Variants in ZFAND2A observed in about 807,000 individuals in gnomAD.
ZFAND2A encodes the protein AN1-type zinc finger protein 2A.
Under a neutral mutation model 11.6 loss-of-function variants are expected in ZFAND2A, and 20 were observed. The observed-to-expected ratio is 1.72, with a 90% confidence interval of 1.21 to 2.50. ZFAND2A has a LOEUF of 2.50. Ranked by LOEUF, ZFAND2A falls within the 30% of genes most tolerant of loss-of-function variation. ZFAND2A has a pLI of 0.00. For missense variants in ZFAND2A, 234 were observed against 182.9 expected (o/e 1.28, Z -1.61); for synonymous variants, 93 against 60.6 (o/e 1.54, Z -2.48).
In ZFAND2A at chr7:1,152,973, G is replaced by T; in HGVS notation, c.*96C>A. On this transcript the variant is annotated 3_prime_UTR_variant, in exon 5 of 5. Coordinates refer to ENST00000316495, the MANE Select transcript of ZFAND2A (RefSeq NM_182491.4). ...AACAAACAAGATCAGCAGCCAGTGT[G>T]GGATGGTGCTCAATGGGGCTCCACT... The T allele has an allele frequency of 6.7e-7, 1 of 1,493,400 alleles. No individual in the cohort carries two copies. Among genetic ancestry groups the T allele is most frequent in the Non-Finnish European group, 9.2e-7 (1 of 1,084,838 alleles). 92.5% of individuals were successfully genotyped at this position (1,493,400 alleles called of 1,614,324 possible).
intron 1 of ZFAND2A, among the ~76,000 whole-genome samples, chr7:1,158,497 T>C (rs541737080): frequency 3.3e-5 from 5 of 152,340 alleles, no homozygotes; most frequent in South Asian, 2.1e-4. Flanking sequence ...GGGTTTCTAT[T>C]TAAACTCACA....
intron 3 of ZFAND2A, among the ~76,000 whole-genome samples, chr7:1,156,556 C>T (rs886433439): frequency 1.8e-4 from 25 of 136,494 alleles, no homozygotes; most frequent in African/African-American, 7.0e-4. Flanking sequence ...AGCTGAAGGC[C>T]CAGCAAGGCT....
downstream of ZFAND2A, among the ~76,000 whole-genome samples, chr7:1,149,838 CTAGCTTGTTCTTAAGTTTTTTTTTT>C (rs1793365385): frequency 6.6e-6 from 1 of 151,034 alleles, no homozygotes; most frequent in Admixed American, 6.6e-5. Context: ...TGCAGGGTGA[CTAGCTTGTTCTTAAGTTTTTTTTTT>C]TTTTTTTGAG....
chr7:1,158,171 A>C lies in ZFAND2A; in HGVS notation c.42T>G (p.Thr14=), dbSNP rs768960803. 5.0e-6 allele frequency: 8 copies of C among 1,614,200 alleles called. No individual in the cohort carries two copies. The South Asian group carries it at 6.6e-5, about 13-fold the overall frequency. Residue 14 remains threonine, a synonymous_variant, in exon 2 of 5, where the codon ACT becomes ACG. Transcript: ENST00000316495. ...PDLGKHCSEK[T]CKQLDFLPVK... Reference sequence around the variant, plus strand: ...AAAAGTACTCACCTAGCTGCTTGCAAGTCTTTTCTGAACAATGCTTCCCCA... The same window carrying C: ...AAAAGTACTCACCTAGCTGCTTGCACGTCTTTTCTGAACAATGCTTCCCCA...
chr7:1,150,144 G>A (rs1001876466), downstream of ZFAND2A, among the ~76,000 whole-genome samples: 19 of 151,326 alleles, frequency 1.3e-4, no homozygotes, highest in Admixed American at 5.3e-4. Flanking sequence ...AAGCAAAAAA[G>A]TTTGTCAGAT....
downstream of ZFAND2A, chr7:1,151,999 G>T: frequency 2.5e-6 from 1 of 406,570 alleles, no homozygotes; most frequent in Non-Finnish European, 4.4e-6. Flanking sequence ...GATCATGTCA[G>T]AGGATCTTGG....
In ZFAND2A at chr7:1,159,352, AAC is replaced by A. The variant is rs956527843; in HGVS notation, c.-46+610_-46+611del. ...TGGCGGGCCGGGCCCGCAGCAAGAA[AAC>A]ACACATCTACGTGGCTGTCACTCGG... On this transcript the variant is annotated intron_variant, in intron 1 of 4. Coordinates refer to ENST00000316495, the MANE Select transcript of ZFAND2A (RefSeq NM_182491.4). 2.0e-5 allele frequency among the ~76,000 whole-genome samples: 3 copies of A among 152,162 alleles called. No homozygotes were observed. The South Asian group carries it at 6.2e-4, about 32-fold the overall frequency.
downstream of ZFAND2A, chr7:1,152,441 C>T: frequency 1.4e-6 from 2 of 1,388,486 alleles, no homozygotes; most frequent in South Asian, 1.6e-5. Context: ...TGGCCTGGCC[C>T]AGGGATGGAC....
downstream of ZFAND2A, among the ~76,000 whole-genome samples, chr7:1,149,244 G>A (rs2128256409): frequency 6.6e-6 from 1 of 152,336 alleles, no homozygotes; most frequent in Middle Eastern, 3.4e-3. Context: ...TCCACTGACT[G>A]AACCAAGTTA....
intron 2 of ZFAND2A, 107 bp from the exon 3 acceptor site, chr7:1,157,857 G>T: frequency 1.2e-6 from 1 of 861,370 alleles, no homozygotes. Context: ...CTATGAGATG[G>T]ACAGGTCCTC....
intron 4 of ZFAND2A, among the ~76,000 whole-genome samples, chr7:1,153,895 T>C (rs1288939166): frequency 6.6e-6 from 1 of 151,876 alleles, no homozygotes; most frequent in African/African-American, 2.4e-5. Context: ...GAGCTGAGAT[T>C]GTGCCACTGC....
At chr7:1,150,410 AACAGG>A (rs945112083), downstream of ZFAND2A, among the ~76,000 whole-genome samples, 64 of 152,262 alleles carry the variant, frequency 4.2e-4, no homozygotes, top group African/African-American at 1.4e-3. Flanking sequence ...GGCAGTTCAG[AACAGG>A]ACAGAACTTG....
At chr7:1,158,496 T>C (rs867860470) in intron 1 of ZFAND2A, among the ~76,000 whole-genome samples, 6 of 152,358 alleles carry the variant, frequency 3.9e-5, no homozygotes, top group African/African-American at 1.4e-4. Context: ...CGGGTTTCTA[T>C]TTAAACTCAC....
At chr7:1,154,116 G>A (rs1015571524) in intron 4 of ZFAND2A, among the ~76,000 whole-genome samples, 1 of 152,042 alleles carries the variant, frequency 6.6e-6, no homozygotes, top group Admixed American at 6.5e-5. Flanking sequence ...CTGGCTCCAG[G>A]AGCCCTGGGA....
intron 4 of ZFAND2A, among the ~76,000 whole-genome samples, chr7:1,154,430 C>A (rs1429380336): frequency 6.6e-6 from 1 of 152,164 alleles, no homozygotes; most frequent in Non-Finnish European, 1.5e-5. Flanking sequence ...CCAGGAGCAG[C>A]CGGGAGGGCA....
intron 4 of ZFAND2A, among the ~76,000 whole-genome samples, chr7:1,154,732 A>C (rs1793481844): frequency 6.6e-6 from 1 of 152,222 alleles, no homozygotes; most frequent in Non-Finnish European, 1.5e-5. Flanking sequence ...TATAACTGTA[A>C]AGTATTGAAC....
chr7:1,155,760 A>G (rs1793512275), intron 3 of ZFAND2A, 176 bp from the exon 4 acceptor site: 1 of 721,452 alleles, frequency 1.4e-6, no homozygotes, highest in Non-Finnish European at 2.1e-6. Context: ...AGCCATCTCT[A>G]GAATGTGGGC....
chr7:1,155,085 A>G (rs1262107128), intron 4 of ZFAND2A, among the ~76,000 whole-genome samples: 1 of 152,216 alleles, frequency 6.6e-6, no homozygotes, highest in African/African-American at 2.4e-5. Flanking sequence ...ACCATTCACC[A>G]TGGCACTCCA....
chr7:1,153,145 T>G lies in ZFAND2A; in HGVS notation c.362A>C (p.Asn121Thr), dbSNP rs1239924931. 7.4e-6 allele frequency: 12 copies of G among 1,614,238 alleles called. No homozygotes were observed. The South Asian group carries it at 1.2e-4, about 16-fold the overall frequency. ...AGGGTGTCTGTGCTGGATACAGAAG[T>G]TGCCGTGACATTGGGCACATACCAT... ...LQMVCAQCHG[N>T]FCIQHRHPLD... The change falls in exon 5 of 5, where the codon AAC becomes ACC. Residue 121 changes from asparagine to threonine, a missense_variant. Physicochemically the swap from Asn to Thr is moderately conservative, Grantham distance 65 (BLOSUM62 0). Coordinates refer to ENST00000316495, the MANE Select transcript of ZFAND2A (RefSeq NM_182491.4).
Sources: allele counts gnomAD v4.1 joint callset (sites outside exome capture counted in the v4.1 genomes callset), GRCh38; gene constraint gnomAD v4.1.1; transcripts MANE v1.5; gene names NCBI Gene and HGNC (gene_info 2026-07-23, HGNC 2026-07-21).